Variants in PLEKHG4B observed in about 807,000 individuals in gnomAD.
PLEKHG4B encodes pleckstrin homology and RhoGEF domain containing G4B.
A neutral mutation model predicts 121.3 loss-of-function variants in PLEKHG4B; 111 were observed. The observed-to-expected ratio is 0.92, with a 90% confidence interval of 0.78 to 1.07. The LOEUF is 1.07. Ranked by LOEUF, PLEKHG4B falls within the 50% of genes least tolerant of loss-of-function variation. The pLI, the probability that PLEKHG4B is intolerant of heterozygous loss-of-function variation, is 0.00. For synonymous variants in PLEKHG4B, 738 were observed against 725.0 expected (o/e 1.02, Z -0.29); for missense variants, 1,831 against 1,757.8 (o/e 1.04, Z -0.74).
chr5:159,571 A>G lies in PLEKHG4B; in HGVS notation c.2488-2212A>G, dbSNP rs62344137. On this transcript the variant is annotated intron_variant, in intron 11 of 19. Coordinates refer to ENST00000637938, the MANE Select transcript of PLEKHG4B (RefSeq NM_052909.5). The surrounding 1 kb of genome is among the most constrained non-coding windows in gnomAD (Gnocchi z 5.5). ...AACTCCATGGGCTTATTTTCTGAAC[A>G]GTCCCCTCTCCATACTAATCATGAT... Among the ~76,000 whole-genome samples, 29,102 of 152,046 alleles carry G rather than the reference A, an allele frequency of 0.19. 3,943 individuals are homozygous for G. The highest frequency in any genetic ancestry group is 0.38 in the African/African-American group (15,728 of 41,410).
chr5:96,751 C>G (rs770352453), intron 1 of PLEKHG4B, among the ~76,000 whole-genome samples: 2 of 152,082 alleles, frequency 1.3e-5, no homozygotes, highest in Non-Finnish European at 2.9e-5. Context: ...GATACCTTCT[C>G]CCCAAAAGAC....
intron 18 of PLEKHG4B, 59 bp downstream of exon 18, chr5:174,157 T>C (rs1736674456): frequency 1.6e-6 from 1 of 617,978 alleles, no homozygotes; most frequent in Non-Finnish European, 2.4e-6. Context: ...GGGGCAGGGG[T>C]CGGGGCTGGG....
intron 6 of PLEKHG4B, among the ~76,000 whole-genome samples, chr5:149,182 T>C (rs183717883): frequency 6.4e-4 from 98 of 152,238 alleles, no homozygotes; most frequent in African/African-American, 2.1e-3. Flanking sequence ...AGATATAATA[T>C]CAGAGGCACC....
chr5:184,462 T>C lies in PLEKHG4B; in HGVS notation c.*2139T>C, dbSNP rs1412339618. Reference sequence around the variant, plus strand: ...GGAGAAAACTGCCAAATTCACATTCTGTACCTGACAAAATCTTTCCGAAGC... The same window carrying C: ...GGAGAAAACTGCCAAATTCACATTCCGTACCTGACAAAATCTTTCCGAAGC... On this transcript the variant is annotated 3_prime_UTR_variant, in exon 20 of 20. Transcript: ENST00000637938. 1 of 152,252 alleles carries C rather than the reference T, an allele frequency of 6.6e-6. No homozygotes were observed. Among genetic ancestry groups the C allele is most frequent in the African/African-American group, 2.4e-5 (1 of 41,466 alleles). The allele number at this position is 152,252 out of a possible 1,614,324, so 9.4% of individuals were successfully genotyped here.
rs938362134 is a variant in PLEKHG4B, at chr5:139,020, G to A, written c.244-463G>A. Among the ~76,000 whole-genome samples, 6 of 152,214 alleles carry A rather than the reference G, an allele frequency of 3.9e-5. No homozygotes were observed. The highest frequency in any genetic ancestry group is 1.4e-4 in the African/African-American group (6 of 41,450). On this transcript the variant is annotated intron_variant, in intron 2 of 19. Coordinates refer to ENST00000637938, the MANE Select transcript of PLEKHG4B (RefSeq NM_052909.5). The surrounding 1 kb of genome is among the most constrained non-coding windows in gnomAD (Gnocchi z 5.0). ...CCCTCGCTAAGGAGGCCGAGGTAGC[G>A]CCTGCAGCAGCCGGGAGCCACAGGG... is the stretch of plus-strand genomic sequence containing the variant.
intron 2 of PLEKHG4B, among the ~76,000 whole-genome samples, chr5:118,891 C>T (rs1373362751): frequency 1.3e-5 from 2 of 151,762 alleles, no homozygotes; most frequent in African/African-American, 4.8e-5. Flanking sequence ...CACTCTGTCA[C>T]CCAGGCTGGA....
In PLEKHG4B at chr5:163,077, C is replaced by A; in HGVS notation, c.3005C>A (p.Ala1002Asp). The change falls in exon 13 of 20, where the codon GCC (alanine) becomes GAC (aspartate). Residue 1002 changes from alanine (A) to aspartate (D), a missense_variant. Transcript: ENST00000637938. Reference sequence around the variant, plus strand: ...CCCAGCACGGACAGTGGGGGTGGTGCCTGGGAACCTGCGCAACCACTGTCC... The same window carrying A: ...CCCAGCACGGACAGTGGGGGTGGTGACTGGGAACCTGCGCAACCACTGTCC... Reference protein sequence around the residue: ...SFPSTDSGGGAWEPAQPLSGL... With the variant: ...SFPSTDSGGGDWEPAQPLSGL... The A allele has an allele frequency of 6.4e-7, 1 of 1,562,246 alleles. No homozygotes were observed. Among genetic ancestry groups the A allele is most frequent in the Non-Finnish European group, 8.7e-7 (1 of 1,153,464 alleles).
intron 19 of PLEKHG4B, among the ~76,000 whole-genome samples, 153 bp downstream of exon 19, chr5:181,828 C>G (rs1048280494): frequency 6.6e-6 from 1 of 152,224 alleles, no homozygotes; most frequent in African/African-American, 2.4e-5. Context: ...GCCTCGGCCC[C>G]GCCCTCACTC....
chr5:95,141 A>G (rs1324983020), intron 1 of PLEKHG4B, among the ~76,000 whole-genome samples: 1 of 152,226 alleles, frequency 6.6e-6, no homozygotes, highest in East Asian at 1.9e-4. Context: ...TTCCCCTGAC[A>G]GAAAATCACA....
intron 18 of PLEKHG4B, among the ~76,000 whole-genome samples, chr5:174,553 G>A (rs1299582725): frequency 2.0e-5 from 3 of 152,152 alleles, no homozygotes; most frequent in Admixed American, 6.5e-5. Context: ...TCTGAGGATG[G>A]CCAACTGGGA....
chr5:182,713 G>A lies in PLEKHG4B; in HGVS notation c.*390G>A, dbSNP rs1289767649. On this transcript the variant is annotated 3_prime_UTR_variant, in exon 20 of 20. Coordinates refer to ENST00000637938, the MANE Select transcript of PLEKHG4B (RefSeq NM_052909.5). ...CGGTGATGGCCTCAGACCTCCCTCC[G>A]CCTTGAGAGTTTGCAGGCCTCAGTG... is the stretch of plus-strand genomic sequence containing the variant. 7 of 235,864 alleles carry A rather than the reference G, an allele frequency of 3.0e-5. No homozygotes were observed. Among genetic ancestry groups the A allele is most frequent in the African/African-American group, 1.1e-4 (5 of 44,782 alleles). 14.6% of individuals were successfully genotyped at this position (235,864 alleles called of 1,614,324 possible).
At position 98,603 on chromosome 5, in the gene PLEKHG4B, TTGTGTGTG is replaced by T. The variant is rs35724214; in HGVS notation, c.45+6363_45+6370del. ...GCATGTGCCACCATGCCTGGCTAAT[TTGTGTGTG>T]TGTGTGTGTGTGTGTGTGTGTGTGT... On this transcript the variant is annotated intron_variant, in intron 1 of 19. Transcript: ENST00000637938. Among the ~76,000 whole-genome samples the T allele has an allele frequency of 2.0e-3, 226 of 111,586 alleles. 1 individual carries two copies. The highest frequency in any genetic ancestry group is 4.1e-3 in the Admixed American group (46 of 11,204). The allele number at this position is 111,586 out of a possible 152,430, so 73.2% of individuals were successfully genotyped here.
At chr5:132,742 A>G (rs1365619937) in intron 2 of PLEKHG4B, among the ~76,000 whole-genome samples, 4 of 152,098 alleles carry the variant, frequency 2.6e-5, no homozygotes, top group Admixed American at 6.6e-5. Context: ...ATTCTGTTCC[A>G]TTGGTTTATA....
chr5:137,347 C>G lies in PLEKHG4B; in HGVS notation c.244-2136C>G, dbSNP rs952834794. 6.6e-6 allele frequency among the ~76,000 whole-genome samples: 1 copy of G among 152,070 alleles called. No homozygotes were observed. The highest frequency in any genetic ancestry group is 2.4e-5 in the African/African-American group (1 of 41,394). Reference sequence around the variant, plus strand: ...GAGATGGTGGTGATGGTTACATAACCGTGTGAATGTACTTAATGCCACTGA... The same window carrying G: ...GAGATGGTGGTGATGGTTACATAACGGTGTGAATGTACTTAATGCCACTGA... On this transcript the variant is annotated intron_variant, in intron 2 of 19. Transcript: ENST00000637938. The surrounding 1 kb of genome is among the most constrained non-coding windows in gnomAD (Gnocchi z 4.2).
chr5:174,466 G>GT (rs1465077594), intron 18 of PLEKHG4B, among the ~76,000 whole-genome samples: 1 of 152,148 alleles, frequency 6.6e-6, no homozygotes. Flanking sequence ...GGAGGCATGG[G>GT]TTGGGAGCTG....
At chr5:146,313 A>C (rs1400442911) in intron 6 of PLEKHG4B, among the ~76,000 whole-genome samples, 22 of 31,584 alleles carry the variant, frequency 7.0e-4, no homozygotes, top group East Asian at 4.5e-3. Flanking sequence ...CCTCCTCCCC[A>C]CCATAGTCCT....
intron 7 of PLEKHG4B, among the ~76,000 whole-genome samples, chr5:153,127 A>G (rs981698795): frequency 5.6e-4 from 85 of 152,230 alleles, no homozygotes; most frequent in African/African-American, 2.0e-3. Flanking sequence ...AAGATTTCCA[A>G]TGGATTTTAA....
In PLEKHG4B at chr5:173,045, A is replaced by G. The variant is rs1736621656; in HGVS notation, c.4199A>G (p.Tyr1400Cys). The change falls in exon 17 of 20, where the codon TAC (tyrosine) becomes TGC (cysteine). Residue 1400 changes from tyrosine (Y) to cysteine (C), a missense_variant. Transcript: ENST00000637938. The stretch of plus-strand genomic sequence containing the variant: ...AAGGTGGAGGGCAGCCACGACGTCT[A>G]CCTGTACAAGCAGTCCTTCAAGGTA... ...TQKVEGSHDVYLYKQSFKTAE... is the reference protein window; with the variant it reads ...TQKVEGSHDVCLYKQSFKTAE... 7 of 1,614,108 alleles carry G rather than the reference A, an allele frequency of 4.3e-6. No homozygotes were observed. The highest frequency in any genetic ancestry group is 2.2e-5 in the East Asian group (1 of 44,870).
intron 2 of PLEKHG4B, among the ~76,000 whole-genome samples, chr5:135,046 G>A (rs1734912300): frequency 6.6e-6 from 1 of 151,436 alleles, no homozygotes; most frequent in Non-Finnish European, 1.5e-5. Context: ...AAACTTAGCT[G>A]GGCATGGTGG....
Sources: allele counts gnomAD v4.1 joint callset (sites outside exome capture counted in the v4.1 genomes callset), GRCh38; gene constraint gnomAD v4.1.1; non-coding constraint Gnocchi (gnomAD v3.1); transcripts MANE v1.5; gene names NCBI Gene and HGNC (gene_info 2026-07-23, HGNC 2026-07-21).